BMPR1B: variants seen among roughly 807,000 people sequenced by gnomAD.
BMPR1B encodes the protein bone morphogenetic protein receptor type-1B.
Under a neutral mutation model 59.1 loss-of-function variants are expected in BMPR1B, and 12 were observed. The ratio of observed to expected loss-of-function variants is 0.20; its 90% CI spans 0.13 to 0.33. BMPR1B has a LOEUF of 0.33. Ranked by LOEUF, BMPR1B falls within the 10% of genes least tolerant of loss-of-function variation. The pLI is 1.00. For missense variants in BMPR1B, 550 were observed against 610.9 expected (o/e 0.90, Z 1.05); for synonymous variants, 237 against 207.3 (o/e 1.14, Z -1.23).
At chr4:94,783,590 C>G (rs550179432) in intron 1 of BMPR1B, among the ~76,000 whole-genome samples, 2 of 152,300 alleles carry the variant, frequency 1.3e-5, no homozygotes, top group Admixed American at 6.5e-5. Context: ...GTGTAGTAGC[C>G]TGTTTCTCTT....
chr4:95,137,086 GT>G (rs1733852075), intron 10 of BMPR1B, among the ~76,000 whole-genome samples: 1 of 152,154 alleles, frequency 6.6e-6, no homozygotes, highest in Non-Finnish European at 1.5e-5. Context: ...CTTTAAATGT[GT>G]CCCAGAGATT....
At chr4:94,781,461 A>G (rs941532253) in intron 1 of BMPR1B, among the ~76,000 whole-genome samples, 1 of 152,068 alleles carries the variant, frequency 6.6e-6, no homozygotes, top group African/African-American at 2.4e-5. Context: ...CACCCAGGCC[A>G]GAGTGCAGTG....
chr4:94,928,531 G>A (rs977756264), intron 2 of BMPR1B, among the ~76,000 whole-genome samples: 5 of 150,944 alleles, frequency 3.3e-5, no homozygotes, highest in Admixed American at 1.3e-4. Flanking sequence ...AGCATTGGGC[G>A]GGCCCTCCTC....
At chr4:95,034,243 G>A (rs1290446852) in intron 3 of BMPR1B, among the ~76,000 whole-genome samples, 1 of 151,802 alleles carries the variant, frequency 6.6e-6, no homozygotes, top group African/African-American at 2.4e-5. Flanking sequence ...AATTTTTGTG[G>A]GTACATAATA....
At chr4:94,772,430 C>T (rs1722220352) in intron 1 of BMPR1B, among the ~76,000 whole-genome samples, 1 of 151,930 alleles carries the variant, frequency 6.6e-6, no homozygotes, top group Non-Finnish European at 1.5e-5. Flanking sequence ...TACATAAAGC[C>T]AAGGAGTTAT....
intron 2 of BMPR1B, among the ~76,000 whole-genome samples, chr4:94,987,122 A>T (rs1211706773): frequency 9.3e-6 from 1 of 108,038 alleles, no homozygotes; most frequent in African/African-American, 3.4e-5. Context: ...TATAATATGT[A>T]TATATGTATA....
chr4:95,054,264 C>T (rs147068218), intron 3 of BMPR1B, among the ~76,000 whole-genome samples: 25 of 152,268 alleles, frequency 1.6e-4, no homozygotes, highest in Admixed American at 1.2e-3. Context: ...AAGAAGAACT[C>T]TTCCTACTTG....
intron 2 of BMPR1B, among the ~76,000 whole-genome samples, chr4:94,980,497 T>G (rs969332891): frequency 3.9e-5 from 6 of 152,152 alleles, no homozygotes; most frequent in African/African-American, 1.4e-4. Context: ...GAGTCTGGCT[T>G]TCTCCCCATG....
intron 3 of BMPR1B, among the ~76,000 whole-genome samples, chr4:95,037,154 G>A (rs1051690403): frequency 2.0e-5 from 3 of 152,136 alleles, no homozygotes; most frequent in East Asian, 1.9e-4. Context: ...TTCAGCTTCC[G>A]TGTTAGTGGA....
At chr4:94,858,737 G>A (rs1162163818) in intron 1 of BMPR1B, among the ~76,000 whole-genome samples, 1 of 152,126 alleles carries the variant, frequency 6.6e-6, no homozygotes, top group Non-Finnish European at 1.5e-5. Flanking sequence ...TAGGCTAGTT[G>A]CTGTTGATGG....
At chr4:94,800,204 A>G (rs989816133) in intron 1 of BMPR1B, among the ~76,000 whole-genome samples, 2 of 152,182 alleles carry the variant, frequency 1.3e-5, no homozygotes, top group African/African-American at 4.8e-5. Flanking sequence ...TTAAGCCAAG[A>G]TTTACTGTTT....
In BMPR1B at chr4:94,823,447, C is replaced by T. The variant is rs371161845; in HGVS notation, c.-182-52384C>T. Among the ~76,000 whole-genome samples the T allele has an allele frequency of 8.9e-4, 135 of 152,152 alleles. 2 individuals carry two copies. The highest frequency in any genetic ancestry group is 6.0e-3 in the South Asian group (29 of 4,812). On this transcript the variant is annotated intron_variant, in intron 1 of 12. Transcript: ENST00000515059. ...AAAGGCTGGGGGCAAAGCTGGTGTT[C>T]GGATCTATGTTTTGGGGAGCTGTGC...
chr4:94,780,253 C>A (rs186402954), intron 1 of BMPR1B, among the ~76,000 whole-genome samples: 1 of 151,980 alleles, frequency 6.6e-6, no homozygotes, highest in African/African-American at 2.4e-5. Context: ...TTAGACATTC[C>A]GTAAAATGGA....
chr4:95,002,305 CGAT>C (rs1722502684), intron 3 of BMPR1B, among the ~76,000 whole-genome samples: 1 of 152,110 alleles, frequency 6.6e-6, no homozygotes, highest in Non-Finnish European at 1.5e-5. Flanking sequence ...TTGCTGCAAA[CGAT>C]GATTTCATTC....
chr4:95,112,160 A>G (rs1387626685), intron 4 of BMPR1B, among the ~76,000 whole-genome samples: 2 of 152,076 alleles, frequency 1.3e-5, no homozygotes, highest in Non-Finnish European at 2.9e-5. Context: ...GATTCATCCT[A>G]TGTTCATGTA....
chr4:95,055,995 A>G (rs527307169), intron 3 of BMPR1B, among the ~76,000 whole-genome samples: 1 of 152,342 alleles, frequency 6.6e-6, no homozygotes, highest in Non-Finnish European at 1.5e-5. Flanking sequence ...ATTGCCAGGA[A>G]TAAATCTATG....
At chr4:94,842,187 A>G (rs1375025033) in intron 1 of BMPR1B, among the ~76,000 whole-genome samples, 1 of 152,238 alleles carries the variant, frequency 6.6e-6, no homozygotes, top group African/African-American at 2.4e-5. Flanking sequence ...TTCCTAATAT[A>G]CTTTAGTATA....
intron 2 of BMPR1B, among the ~76,000 whole-genome samples, chr4:94,968,084 AC>A (rs1476042876): frequency 6.6e-6 from 1 of 152,128 alleles, no homozygotes; most frequent in African/African-American, 2.4e-5. Context: ...ACATTCAGGG[AC>A]TTTTTCTTTC....
At chr4:95,074,428 G>GGC (rs1313840092) in intron 3 of BMPR1B, among the ~76,000 whole-genome samples, 1 of 152,076 alleles carries the variant, frequency 6.6e-6, no homozygotes, top group African/African-American at 2.4e-5. Context: ...CGCTTGGAAA[G>GGC]GCCTTTGTTT....
Sources: gnomAD v4.1 joint callset for allele counts (sites outside exome capture counted in the v4.1 genomes callset) on GRCh38, gnomAD v4.1.1 for gene constraint, MANE v1.5 for transcripts, NCBI Gene and HGNC (gene_info 2026-07-23, HGNC 2026-07-21) for gene names.